Variants in PDE1A observed in about 807,000 individuals in gnomAD.
PDE1A encodes dual specificity calcium/calmodulin-dependent 3',5'-cyclic nucleotide phosphodiesterase 1A.
A neutral mutation model predicts 61.7 loss-of-function variants in PDE1A; 35 were observed. The observed-to-expected ratio is 0.57, with a 90% CI of 0.43 to 0.75. PDE1A has a LOEUF of 0.75. Among genes scored for constraint, PDE1A ranks in the 30% least tolerant of loss-of-function variants. The pLI, the probability that PDE1A is intolerant of heterozygous loss-of-function variation, is 0.00. For synonymous variants in PDE1A, 232 were observed against 213.2 expected (o/e 1.09, Z -0.77); for missense variants, 597 against 630.6 (o/e 0.95, Z 0.57).
intron 13 of PDE1A, among the ~76,000 whole-genome samples, chr2:182,181,109 C>G (rs1684722266): frequency 6.6e-6 from 1 of 152,126 alleles, no homozygotes; most frequent in South Asian, 2.1e-4. Flanking sequence ...ATCTCATTCT[C>G]TGTCCAGTCC....
chr2:182,168,714 T>C (rs1011244810), intron 13 of PDE1A, among the ~76,000 whole-genome samples: 1 of 152,116 alleles, frequency 6.6e-6, no homozygotes, highest in Non-Finnish European at 1.5e-5. Context: ...AGAATTTTAT[T>C]ATGTAAAGAA....
the PDE1A span, among the ~76,000 whole-genome samples, chr2:182,705,566 A>G: frequency 3.9e-5 from 6 of 151,900 alleles, no homozygotes; most frequent in Admixed American, 3.9e-4. Flanking sequence ...AGTGGAGTGC[A>G]GTTGTGTGAT....
chr2:182,245,652 T>A (rs916001244), intron 2 of PDE1A, among the ~76,000 whole-genome samples: 2 of 152,124 alleles, frequency 1.3e-5, no homozygotes, highest in Admixed American at 1.3e-4. Context: ...CTTGGTAATA[T>A]GCATTTTTCT....
chr2:182,367,381 T>G (rs2125219795), intron 1 of PDE1A, among the ~76,000 whole-genome samples: 1 of 152,142 alleles, frequency 6.6e-6, no homozygotes, highest in South Asian at 2.1e-4. Context: ...CTCAGTAAAT[T>G]TGCTCACATG....
chr2:182,316,108 G>C (rs550357698), intron 1 of PDE1A, among the ~76,000 whole-genome samples: 3 of 152,212 alleles, frequency 2.0e-5, no homozygotes, highest in Non-Finnish European at 4.4e-5. Flanking sequence ...TTGCTAAGCA[G>C]ATGCATCCAG....
the PDE1A span, among the ~76,000 whole-genome samples, chr2:182,577,442 G>C: frequency 6.6e-6 from 1 of 152,140 alleles, no homozygotes; most frequent in Non-Finnish European, 1.5e-5. Context: ...GGCAAAGCTC[G>C]GACAGCCAGA....
chr2:182,338,794 T>A (rs1269709478), intron 1 of PDE1A, among the ~76,000 whole-genome samples: 1 of 152,164 alleles, frequency 6.6e-6, no homozygotes, highest in African/African-American at 2.4e-5. Flanking sequence ...AGTGCTGGGA[T>A]TACAGGTGTG....
the PDE1A span, among the ~76,000 whole-genome samples, chr2:182,598,540 G>A: frequency 2.0e-5 from 3 of 150,636 alleles, no homozygotes; most frequent in East Asian, 2.0e-4. Flanking sequence ...TCCAGCCTGC[G>A]TGATGGAGCG....
At chr2:182,227,291 G>T (rs1366838525) in intron 6 of PDE1A, among the ~76,000 whole-genome samples, 3 of 151,986 alleles carry the variant, frequency 2.0e-5, no homozygotes, top group Admixed American at 6.6e-5. Flanking sequence ...GAATTACTCA[G>T]GATGTGTGAG....
chr2:182,612,740 C>A, the PDE1A span, among the ~76,000 whole-genome samples: 60,931 of 152,092 alleles, frequency 0.4, 13,647 homozygotes, highest in East Asian at 0.58. Flanking sequence ...TATTTGCAAA[C>A]TGTCAACTGA....
At chr2:182,278,022 C>T (rs1341434127) in intron 1 of PDE1A, among the ~76,000 whole-genome samples, 2 of 151,984 alleles carry the variant, frequency 1.3e-5, no homozygotes, top group African/African-American at 2.4e-5. Context: ...GATATATTTA[C>T]CATATGTGGT....
chr2:182,154,976 G>A (rs1559120056), intron 13 of PDE1A, among the ~76,000 whole-genome samples: 1 of 144,856 alleles, frequency 6.9e-6, no homozygotes, highest in Non-Finnish European at 1.5e-5. Flanking sequence ...TTCATATTAT[G>A]TAATTTTACC....
In PDE1A at chr2:182,499,173, GT is replaced by G. The variant is rs545033513; in HGVS notation, c.101+23102del. On this transcript the variant is annotated intron_variant, in intron 2 of 14. Transcript: ENST00000410103. ...AGGCTATTTTCTTTCTCTTTTTCTT[GT>G]TTTTTTTTTTTTTTTTTTTTGAGAC... is the stretch of plus-strand genomic sequence containing the variant. Among the ~76,000 whole-genome samples, 142 of 77,322 alleles carry G rather than the reference GT, an allele frequency of 1.8e-3. 1 individual carries two copies. The highest frequency in any genetic ancestry group is 7.9e-3 in the Middle Eastern group (1 of 126). 50.7% of individuals were successfully genotyped at this position (77,322 alleles called of 152,430 possible).
At chr2:182,692,129 A>T in the PDE1A span, among the ~76,000 whole-genome samples, 2 of 152,158 alleles carry the variant, frequency 1.3e-5, no homozygotes, top group Non-Finnish European at 2.9e-5. Context: ...TTCCTCGGGG[A>T]TCTAGAACTA....
At chr2:182,248,567 G>A (rs962420052) in intron 2 of PDE1A, among the ~76,000 whole-genome samples, 2 of 151,160 alleles carry the variant, frequency 1.3e-5, no homozygotes, top group African/African-American at 4.9e-5. Flanking sequence ...ACTCCCAAAG[G>A]GCTTATATTT....
At chr2:182,287,337 A>T (rs930281192) in intron 1 of PDE1A, among the ~76,000 whole-genome samples, 5 of 152,156 alleles carry the variant, frequency 3.3e-5, no homozygotes, top group Admixed American at 3.3e-4. Context: ...ATGTATTTTA[A>T]CATTCTACAT....
intron 6 of PDE1A, among the ~76,000 whole-genome samples, chr2:182,228,790 A>G (rs1559221799): frequency 6.6e-6 from 1 of 152,144 alleles, no homozygotes; most frequent in Non-Finnish European, 1.5e-5. Flanking sequence ...CTAAAGGTCT[A>G]CCACCAGACT....
the PDE1A span, among the ~76,000 whole-genome samples, chr2:182,594,931 C>T: frequency 3.3e-5 from 5 of 152,064 alleles, no homozygotes; most frequent in Non-Finnish European, 5.9e-5. Context: ...AATGGCAGTA[C>T]GGGGCACTCA....
chr2:182,212,160 T>C lies in PDE1A; in HGVS notation c.777-6095A>G, dbSNP rs552469995. On this transcript the variant is annotated intron_variant, in intron 7 of 13. Coordinates refer to ENST00000351439, the Ensembl canonical transcript of PDE1A. ...TAGGTTTTTTATAAATAGATAATTT[T>C]CTTTGAATTATTTACTTTTTAATTG... Among the ~76,000 whole-genome samples, 515 of 151,108 alleles carry C rather than the reference T, an allele frequency of 3.4e-3. 2 individuals carry two copies. The highest frequency in any genetic ancestry group is 0.012 in the African/African-American group (501 of 41,228).
Sources: allele counts gnomAD v4.1 joint callset (sites outside exome capture counted in the v4.1 genomes callset), GRCh38; gene constraint gnomAD v4.1.1; transcripts MANE v1.5; gene names NCBI Gene and HGNC (gene_info 2026-07-23, HGNC 2026-07-21).